ZNG1A: variants seen among roughly 807,000 people sequenced by gnomAD.
The protein encoded by ZNG1A is zinc-regulated GTPase metalloprotein activator 1A.
chr9:129,512 T>C, the ZNG1A span, among the ~76,000 whole-genome samples: 3 of 149,876 alleles, frequency 2.0e-5, no homozygotes, highest in African/African-American at 5.0e-5. Flanking sequence ...CGTCATATAC[T>C]ACAACATGGA....
At chr9:176,757 G>A in the ZNG1A span, among the ~76,000 whole-genome samples, 3 of 151,856 alleles carry the variant, frequency 2.0e-5, no homozygotes, top group Admixed American at 6.6e-5. Flanking sequence ...GTTTCACAGG[G>A]CAGTGATGTG....
the ZNG1A span, among the ~76,000 whole-genome samples, chr9:161,838 G>C: frequency 6.6e-6 from 1 of 151,812 alleles, no homozygotes; most frequent in African/African-American, 2.4e-5. Flanking sequence ...AGCGATGCAA[G>C]ATGCCTTTTA....
the ZNG1A span, among the ~76,000 whole-genome samples, chr9:173,918 CG>C: frequency 1.3e-5 from 2 of 152,068 alleles, no homozygotes; most frequent in African/African-American, 4.8e-5. Flanking sequence ...GAGGCCAAGG[CG>C]GGCGGATCAC....
At chr9:162,035 C>T in the ZNG1A span, among the ~76,000 whole-genome samples, 62,825 of 144,424 alleles carry the variant, frequency 0.44, 15,831 homozygotes, top group Non-Finnish European at 0.56. Context: ...TTTAAAAACT[C>T]ATTTCCAGTG....
chr9:156,559 A>G, the ZNG1A span: 4 of 1,591,298 alleles, frequency 2.5e-6, no homozygotes, highest in East Asian at 2.2e-5. Context: ...TAAAGTTACT[A>G]TAATACAATA....
the ZNG1A span, among the ~76,000 whole-genome samples, chr9:163,399 T>C: frequency 2.0e-5 from 3 of 151,954 alleles, no homozygotes; most frequent in South Asian, 6.3e-4. Flanking sequence ...CAACAGAGGA[T>C]ACAGAAAACC....
chr9:147,657 T>G, the ZNG1A span: 1 of 149,018 alleles, frequency 6.7e-6, no homozygotes, highest in Admixed American at 6.6e-5. Flanking sequence ...AATTTCTGAG[T>G]ATCAGTTTAC....
chr9:131,830 A>G, the ZNG1A span, among the ~76,000 whole-genome samples: 566 of 149,680 alleles, frequency 3.8e-3, 28 homozygotes, highest in African/African-American at 0.014. Flanking sequence ...TCTAGCTTAC[A>G]TAACACTCCT....
At chr9:128,879 G>A in the ZNG1A span, among the ~76,000 whole-genome samples, 1 of 151,524 alleles carries the variant, frequency 6.6e-6, no homozygotes, top group East Asian at 1.9e-4. Flanking sequence ...TTCCCTTGAT[G>A]TAGTACTCTC....
At chr9:126,779 G>A in the ZNG1A span, among the ~76,000 whole-genome samples, 8 of 151,998 alleles carry the variant, frequency 5.3e-5, no homozygotes, top group South Asian at 4.2e-4. Context: ...AGGTGTGACC[G>A]TGGATTGTCT....
the ZNG1A span, among the ~76,000 whole-genome samples, chr9:168,247 TTTTATTTA>T: frequency 6.3e-5 from 9 of 142,076 alleles, no homozygotes; most frequent in East Asian, 1.4e-3. Flanking sequence ...CAGACTTATT[TTTTATTTA>T]TTTATTTATT....
At chr9:121,715 C>T in the ZNG1A span, 4 of 1,132,222 alleles carry the variant, frequency 3.5e-6, no homozygotes, top group Non-Finnish European at 5.1e-6. Context: ...CCATCTTTAA[C>T]TTTCCAGGTC....
the ZNG1A span, among the ~76,000 whole-genome samples, chr9:175,225 A>G: frequency 6.6e-6 from 1 of 152,130 alleles, no homozygotes; most frequent in African/African-American, 2.4e-5. Context: ...TAAAAATACA[A>G]AAATTATCTG....
the ZNG1A span, chr9:120,920 G>C: frequency 6.1e-6 from 1 of 164,906 alleles, no homozygotes; most frequent in Non-Finnish European, 1.3e-5. Flanking sequence ...AGTGTGGGCT[G>C]TGCATAGTGA....
At chr9:132,290 G>A in the ZNG1A span, among the ~76,000 whole-genome samples, 5 of 148,738 alleles carry the variant, frequency 3.4e-5, no homozygotes, top group East Asian at 2.0e-4. Context: ...TTGGGAGGCC[G>A]AAGCAGGTGA....
the ZNG1A span, among the ~76,000 whole-genome samples, chr9:141,490 C>G: frequency 5.4e-5 from 8 of 149,452 alleles, no homozygotes; most frequent in African/African-American, 1.7e-4. Flanking sequence ...CAAGCAAATG[C>G]TGAGAGATTT....
the ZNG1A span, among the ~76,000 whole-genome samples, chr9:133,788 G>A: frequency 6.6e-6 from 1 of 150,402 alleles, no homozygotes; most frequent in Non-Finnish European, 1.5e-5. Flanking sequence ...TACTCACTGA[G>A]TACCCACCAA....
At chr9:162,406 C>T in the ZNG1A span, 2 of 1,452,812 alleles carry the variant, frequency 1.4e-6, no homozygotes, top group Admixed American at 4.0e-5. Flanking sequence ...CAATAATGAC[C>T]CACTCATAGC....
chr9:139,050 G>C, the ZNG1A span, among the ~76,000 whole-genome samples: 1 of 148,756 alleles, frequency 6.7e-6, no homozygotes, highest in Non-Finnish European at 1.5e-5. Flanking sequence ...ATCTTCTATG[G>C]ACATATACGA....
Sources: gnomAD v4.1 joint callset for allele counts (sites outside exome capture counted in the v4.1 genomes callset) on GRCh38, gnomAD v4.1.1 for gene constraint, MANE v1.5 for transcripts, NCBI Gene and HGNC (gene_info 2026-07-23, HGNC 2026-07-21) for gene names.